Variants in TMEM165 observed in about 807,000 individuals in gnomAD.
TMEM165 encodes the protein putative divalent cation/proton antiporter TMEM165.
A neutral mutation model predicts 30.0 loss-of-function variants in TMEM165; 19 were observed. That is an observed-to-expected ratio of 0.63 (90% CI 0.44 to 0.93). TMEM165 has a LOEUF of 0.93. Among genes scored for constraint, TMEM165 ranks in the 40% least tolerant of loss-of-function variants. The pLI, the probability that TMEM165 is intolerant of heterozygous loss-of-function variation, is 0.00. For missense variants in TMEM165, 340 were observed against 417.0 expected (o/e 0.82, Z 1.61); for synonymous variants, 168 against 162.9 (o/e 1.03, Z -0.24).
At chr4:55,435,681 G>A (rs1434698453) in intron 3 of TMEM165, 2 of 1,371,698 alleles carry the variant, frequency 1.5e-6, no homozygotes, top group Admixed American at 3.4e-5. Flanking sequence ...CTGTCCATAG[G>A]GACAAAATCC....
intron 1 of TMEM165, among the ~76,000 whole-genome samples, chr4:55,401,735 C>T (rs1721001325): frequency 6.7e-6 from 1 of 150,318 alleles, no homozygotes; most frequent in Non-Finnish European, 1.5e-5. Flanking sequence ...ATAAGGACGC[C>T]TGCTCATAAT....
chr4:55,448,588 GCGCGCA>G lies in TMEM165; in HGVS notation c.409-3645_409-3640del, dbSNP rs144214865. ...TGTAACTATAATTATATATGTGCGC[GCGCGCA>G]CGCGCGCGTGTGTGTGTGTGTGTGT... On this transcript the variant is annotated intron_variant, in intron 3 of 3. Coordinates refer to the TMEM165 transcript ENST00000608091. Among the ~76,000 whole-genome samples, 170 of 80,126 alleles carry G rather than the reference GCGCGCA, an allele frequency of 2.1e-3. 1 individual carries two copies. Among genetic ancestry groups the G allele is most frequent in the South Asian group, 7.4e-3 (10 of 1,354 alleles). 52.6% of individuals were successfully genotyped at this position (80,126 alleles called of 152,430 possible).
intron 3 of TMEM165, chr4:55,432,160 C>G (rs964351340): frequency 6.6e-5 from 10 of 152,122 alleles, no homozygotes; most frequent in African/African-American, 2.2e-4. Context: ...AAGGCTAGAC[C>G]GTAGTATTTA....
intron 3 of TMEM165, among the ~76,000 whole-genome samples, chr4:55,439,168 C>T (rs1723143800): frequency 6.6e-6 from 1 of 152,080 alleles, no homozygotes; most frequent in Non-Finnish European, 1.5e-5. Context: ...AACTCAACAA[C>T]AATCAACCCA....
At chr4:55,448,865 T>C (rs892826326) in intron 3 of TMEM165, 3 of 1,612,594 alleles carry the variant, frequency 1.9e-6, no homozygotes, top group African/African-American at 2.7e-5. Flanking sequence ...TGGGAATTTA[T>C]GGACTAGAGC....
chr4:55,448,674 G>T, intron 3 of TMEM165: 3 of 658,490 alleles, frequency 4.6e-6, no homozygotes, highest in Non-Finnish European at 7.9e-6. Flanking sequence ...AGTAGCTGTG[G>T]CTACAGGTGC....
chr4:55,441,059 C>T (rs931364059), intron 3 of TMEM165, among the ~76,000 whole-genome samples: 6 of 152,136 alleles, frequency 3.9e-5, no homozygotes, highest in African/African-American at 1.4e-4. Flanking sequence ...CAAACAATAC[C>T]GATTTATCTT....
intron 4 of TMEM165, among the ~76,000 whole-genome samples, chr4:55,422,553 A>G (rs1294329865): frequency 6.6e-6 from 1 of 151,886 alleles, no homozygotes; most frequent in East Asian, 1.9e-4. Context: ...CCATCCACCC[A>G]CCCTGATTCA....
At chr4:55,438,953 T>A (rs2109652729) in intron 3 of TMEM165, among the ~76,000 whole-genome samples, 1 of 152,292 alleles carries the variant, frequency 6.6e-6, no homozygotes, top group East Asian at 1.9e-4. Flanking sequence ...TAGCAATAAT[T>A]TCTTGGATAT....
intron 3 of TMEM165, chr4:55,442,407 A>G: frequency 6.3e-6 from 10 of 1,587,220 alleles, no homozygotes; most frequent in Non-Finnish European, 8.6e-6. Flanking sequence ...AATTTTAAAA[A>G]TAACAAATGA....
chr4:55,407,424 A>G (rs998039519), intron 1 of TMEM165, among the ~76,000 whole-genome samples: 18 of 152,364 alleles, frequency 1.2e-4, no homozygotes, highest in Middle Eastern at 3.4e-3. Context: ...TAATATGAAA[A>G]AAAGAATGTT....
Position 55,443,680 on chromosome 4 carries a change from A to G in TMEM165, c.409-8559A>G, listed in dbSNP as rs368359332. 59 of 1,612,132 alleles carry G rather than the reference A, an allele frequency of 3.7e-5. 1 individual carries two copies. Among genetic ancestry groups the G allele is most frequent in the South Asian group, 2.9e-4 (26 of 91,028 alleles). On this transcript the variant is annotated intron_variant, in intron 3 of 3. Coordinates refer to the TMEM165 transcript ENST00000608091. Reference sequence around the variant, plus strand: ...ACTCCATAGCCCGCTGTGCTCAGTAACATTACCTGAGTTGATGTACTCTGT... The same window carrying G: ...ACTCCATAGCCCGCTGTGCTCAGTAGCATTACCTGAGTTGATGTACTCTGT...
downstream of TMEM165, among the ~76,000 whole-genome samples, chr4:55,427,287 C>G (rs1722255271): frequency 1.3e-5 from 2 of 151,930 alleles, no homozygotes; most frequent in African/African-American, 4.8e-5. Context: ...CCGCCCACCT[C>G]AGCCTCCCAA....
chr4:55,398,896 C>G (rs1720840967), intron 1 of TMEM165: 1 of 149,982 alleles, frequency 6.7e-6, no homozygotes, highest in Non-Finnish European at 1.5e-5. Flanking sequence ...AAACAACAAC[C>G]CGATTTTTAA....
intron 3 of TMEM165, chr4:55,443,647 C>T: frequency 6.7e-7 from 1 of 1,496,998 alleles, no homozygotes; most frequent in Non-Finnish European, 9.3e-7. Context: ...GCCTTCCAAC[C>T]ACTGATCACT....
intron 4 of TMEM165, 118 bp downstream of exon 4, chr4:55,418,103 TTACATC>T: frequency 1.1e-6 from 1 of 910,290 alleles, no homozygotes; most frequent in Non-Finnish European, 1.6e-6. Context: ...CAAGACTGTT[TTACATC>T]TGATAATTCA....
downstream of TMEM165, among the ~76,000 whole-genome samples, chr4:55,426,638 C>A (rs1722213148): frequency 6.6e-6 from 1 of 152,176 alleles, no homozygotes; most frequent in South Asian, 2.1e-4. Context: ...ACAGAAACAT[C>A]CATGTTATTT....
chr4:55,425,470 T>C lies in TMEM165; in HGVS notation c.*18T>C. ...GTTTTTAACAAGCTGTTTGTTCATC[T>C]ATATTTAGTTTAAAATAGGTAGTAT... On this transcript the variant is annotated 3_prime_UTR_variant, in exon 6 of 6. Coordinates refer to ENST00000381334, the MANE Select transcript of TMEM165 (RefSeq NM_018475.5). The C allele has an allele frequency of 6.3e-7, 1 of 1,584,744 alleles. No homozygotes were observed. Among genetic ancestry groups the C allele is most frequent in the Non-Finnish European group, 8.7e-7 (1 of 1,154,550 alleles).
At chr4:55,400,013 CTTT>C (rs766230688) in intron 1 of TMEM165, among the ~76,000 whole-genome samples, 5 of 129,746 alleles carry the variant, frequency 3.9e-5, no homozygotes, top group African/African-American at 5.6e-5. Context: ...TCTTTTCTTC[CTTT>C]TTTTTTTTTT....
Sources: allele counts gnomAD v4.1 joint callset (sites outside exome capture counted in the v4.1 genomes callset), GRCh38; gene constraint gnomAD v4.1.1; transcripts MANE v1.5; gene names NCBI Gene and HGNC (gene_info 2026-07-23, HGNC 2026-07-21).